The following RSU1 variants were observed in gnomAD, a reference collection of about 807,000 sequenced individuals.
RSU1 encodes rsu-1.
Under a neutral mutation model 31.1 loss-of-function variants are expected in RSU1, and 26 were observed. The ratio of observed to expected loss-of-function variants is 0.84; its 90% CI spans 0.61 to 1.16. The LOEUF (loss-of-function observed/expected upper bound fraction) is 1.16. Among genes scored for constraint, RSU1 ranks in the 50% most tolerant of loss-of-function variants. RSU1 has a pLI of 0.00. For missense variants in RSU1, 320 were observed against 339.1 expected (o/e 0.94, Z 0.44); for synonymous variants, 164 against 136.3 (o/e 1.20, Z -1.41).
chr10:16,793,214 G>A (rs1297118057), intron 2 of RSU1, among the ~76,000 whole-genome samples: 1 of 151,884 alleles, frequency 6.6e-6, no homozygotes, highest in Non-Finnish European at 1.5e-5. Context: ...TAGTGTGCAG[G>A]GTTACTGAAA....
At chr10:16,644,089 G>C (rs1297566326) in intron 8 of RSU1, among the ~76,000 whole-genome samples, 2 of 151,782 alleles carry the variant, frequency 1.3e-5, no homozygotes, top group African/African-American at 2.4e-5. Flanking sequence ...GGTATTGTAA[G>C]GTGGGCAGAG....
rs1202139080 is a variant in RSU1 at position 16,591,664 on chromosome 10, G to A, written c.*1730C>T. On this transcript the variant is annotated 3_prime_UTR_variant, in exon 9 of 9. Transcript: ENST00000345264. Reference sequence around the variant, plus strand: ...GATGATTGCTTCATGTTTCTGGGAGGTATTTCGTTCCTGTGCGTTTCTGGA... The same window carrying A: ...GATGATTGCTTCATGTTTCTGGGAGATATTTCGTTCCTGTGCGTTTCTGGA... The A allele has an allele frequency of 1.3e-5, 2 of 152,030 alleles. No individual in the cohort carries two copies. The highest frequency in any genetic ancestry group is 2.4e-5 in the African/African-American group (1 of 41,368). The allele number at this position is 152,030 out of a possible 1,614,324, so 9.4% of individuals were successfully genotyped here.
chr10:16,619,317 G>A (rs1192531680), intron 8 of RSU1, among the ~76,000 whole-genome samples: 2 of 152,176 alleles, frequency 1.3e-5, no homozygotes, highest in Non-Finnish European at 2.9e-5. Context: ...TCTTCTCCAC[G>A]TGGTTCCAGA....
rs576163550 is a variant in RSU1, at chr10:16,648,522, C to CT, written c.731+46500dup. 2.0e-3 allele frequency among the ~76,000 whole-genome samples: 309 copies of CT among 152,230 alleles called. 2 individuals carry two copies. The highest frequency in any genetic ancestry group is 7.0e-3 in the African/African-American group (291 of 41,530). ...GAGAGAGAGGAGGAGAAGCTGTAGTCTACAGTTAGCCAAGTCTATGGCTTG... is the reference window on the plus strand; with the variant it reads ...GAGAGAGAGGAGGAGAAGCTGTAGTCTTACAGTTAGCCAAGTCTATGGCTTG... On this transcript the variant is annotated intron_variant, in intron 8 of 8. Transcript: ENST00000345264.
At chr10:16,736,100 G>A (rs781288158) in intron 7 of RSU1, among the ~76,000 whole-genome samples, 10 of 152,134 alleles carry the variant, frequency 6.6e-5, no homozygotes, top group Non-Finnish European at 8.8e-5. Context: ...GGAATTTGTG[G>A]GGCAAGGAGG....
At chr10:16,727,671 T>C (rs1386208774) in intron 7 of RSU1, among the ~76,000 whole-genome samples, 1 of 152,330 alleles carries the variant, frequency 6.6e-6, no homozygotes, top group South Asian at 2.1e-4. Context: ...TCTCCAGTGA[T>C]GACATGAGTA....
intron 7 of RSU1, among the ~76,000 whole-genome samples, chr10:16,698,813 T>A (rs1302159635): frequency 1.3e-5 from 2 of 152,212 alleles, no homozygotes; most frequent in African/African-American, 4.8e-5. Flanking sequence ...CTATTCACGA[T>A]CATCTTCACT....
intron 8 of RSU1, among the ~76,000 whole-genome samples, chr10:16,614,829 C>T (rs1833948973): frequency 1.3e-5 from 2 of 152,108 alleles, no homozygotes; most frequent in Admixed American, 6.6e-5. Flanking sequence ...AGGTCTGAGC[C>T]TCATTTACTC....
chr10:16,648,133 T>TTTTATTTTATTTTA (rs1564299652), intron 8 of RSU1, among the ~76,000 whole-genome samples: 4 of 111,074 alleles, frequency 3.6e-5, no homozygotes, highest in African/African-American at 1.3e-4. Flanking sequence ...AAAAAAAAAA[T>TTTTATTTTATTTTA]TTTTTTTTTT....
rs190357566 is a variant in RSU1 at position 16,663,632 on chromosome 10, C to T, written c.731+31391G>A. Among the ~76,000 whole-genome samples, 154 of 152,270 alleles carry T rather than the reference C, an allele frequency of 1.0e-3. 1 individual carries two copies. Among genetic ancestry groups the T allele is most frequent in the Admixed American group, 1.9e-3 (29 of 15,284 alleles). ...AAAGGTCACATGAATAGCCACTCGCCGCGCAGTACAACTACATGTGTCGTC... is the reference window on the plus strand; with the variant it reads ...AAAGGTCACATGAATAGCCACTCGCTGCGCAGTACAACTACATGTGTCGTC... On this transcript the variant is annotated intron_variant, in intron 8 of 8. Transcript: ENST00000345264.
At chr10:16,695,292 A>C (rs1029585528) in intron 7 of RSU1, 137 bp from the exon 8 acceptor site, 6 of 759,294 alleles carry the variant, frequency 7.9e-6, no homozygotes, top group Non-Finnish European at 1.0e-5. Flanking sequence ...TGTCTTTTAA[A>C]TTTCTTAACC....
At chr10:16,787,080 G>T (rs535697079) in intron 2 of RSU1, among the ~76,000 whole-genome samples, 1 of 152,216 alleles carries the variant, frequency 6.6e-6, no homozygotes, top group Non-Finnish European at 1.5e-5. Flanking sequence ...TTCTGCCCAG[G>T]CTCTCCTGAC....
intron 8 of RSU1, among the ~76,000 whole-genome samples, chr10:16,611,371 T>C (rs2131468197): frequency 6.6e-6 from 1 of 152,318 alleles, no homozygotes; most frequent in South Asian, 2.1e-4. Flanking sequence ...AATCCCCTGG[T>C]TATAATAGGG....
At chr10:16,668,608 T>A (rs939234635) in intron 8 of RSU1, among the ~76,000 whole-genome samples, 1 of 152,174 alleles carries the variant, frequency 6.6e-6, no homozygotes, top group Admixed American at 6.5e-5. Flanking sequence ...ATGGTTTTTT[T>A]TCCCCCCAAG....
chr10:16,679,281 CAA>C (rs1835285962), intron 8 of RSU1, among the ~76,000 whole-genome samples: 1 of 152,078 alleles, frequency 6.6e-6, no homozygotes, highest in South Asian at 2.1e-4. Context: ...ATCTTGCTTT[CAA>C]AAAGACTTCA....
chr10:16,642,414 G>C (rs1326500396), intron 8 of RSU1, among the ~76,000 whole-genome samples: 1 of 152,158 alleles, frequency 6.6e-6, no homozygotes, highest in African/African-American at 2.4e-5. Flanking sequence ...GTTAGCAATA[G>C]GAATCTATTA....
chr10:16,796,994 A>G (rs901789100), intron 2 of RSU1, among the ~76,000 whole-genome samples: 5 of 152,220 alleles, frequency 3.3e-5, no homozygotes, highest in African/African-American at 1.2e-4. Flanking sequence ...ACCCCCGAAT[A>G]GCTAAACAAA....
intron 2 of RSU1, among the ~76,000 whole-genome samples, chr10:16,784,087 AT>A (rs60014651): frequency 0.11 from 16,030 of 146,326 alleles, 2,160 homozygotes; most frequent in African/African-American, 0.32. Flanking sequence ...TCTATGTACA[AT>A]TTTTTTTTTT....
At chr10:16,673,200 T>G (rs1374505674) in intron 8 of RSU1, among the ~76,000 whole-genome samples, 1 of 152,284 alleles carries the variant, frequency 6.6e-6, no homozygotes, top group East Asian at 1.9e-4. Flanking sequence ...AGCGTTCATC[T>G]CCGGTACCTG....
Sources: allele counts gnomAD v4.1 joint callset (sites outside exome capture counted in the v4.1 genomes callset), GRCh38; gene constraint gnomAD v4.1.1; transcripts MANE v1.5; gene names NCBI Gene and HGNC (gene_info 2026-07-23, HGNC 2026-07-21).